Variants in DIAPH3 observed in about 807,000 individuals in gnomAD.
DIAPH3 encodes the protein protein diaphanous homolog 3.
In DIAPH3, 117 loss-of-function variants were observed where a neutral mutation model predicts 144.3. That is an observed-to-expected ratio of 0.81 (90% CI 0.70 to 0.95). The LOEUF is 0.95. DIAPH3 is among the 40% of genes least tolerant of loss of function. The pLI is 0.00. For missense variants in DIAPH3, 1,421 were observed against 1,412.7 expected, an observed-to-expected ratio of 1.01 and a Z score of -0.09; for synonymous variants, 519 against 488.9, an observed-to-expected ratio of 1.06 and a Z score of -0.81.
At chr13:59,782,296 G>A (rs2038781061) in intron 25 of DIAPH3, among the ~76,000 whole-genome samples, 1 of 152,114 alleles carries the variant, frequency 6.6e-6, no homozygotes, top group Non-Finnish European at 1.5e-5. Flanking sequence ...TCCACACAAG[G>A]TGGATTAGTG....
chr13:59,760,024 T>G (rs1208351035), intron 27 of DIAPH3, among the ~76,000 whole-genome samples: 1 of 152,162 alleles, frequency 6.6e-6, no homozygotes. Context: ...AGGCTGCTAT[T>G]GTCAAAGGCT....
intron 22 of DIAPH3, among the ~76,000 whole-genome samples, chr13:59,854,503 A>G (rs558624432): frequency 6.6e-6 from 1 of 152,174 alleles, no homozygotes; most frequent in Non-Finnish European, 1.5e-5. Context: ...CTTGTCTCCA[A>G]CAAGATTCAT....
intron 27 of DIAPH3, among the ~76,000 whole-genome samples, chr13:59,739,958 T>C (rs754390969): frequency 5.3e-5 from 8 of 152,218 alleles, no homozygotes; most frequent in East Asian, 1.9e-4. Flanking sequence ...GTAGGCACTG[T>C]ATTTGGTATG....
At chr13:60,140,512 A>G (rs1822067869) in intron 1 of DIAPH3, among the ~76,000 whole-genome samples, 1 of 152,196 alleles carries the variant, frequency 6.6e-6, no homozygotes, top group African/African-American at 2.4e-5. Flanking sequence ...TTACAATACA[A>G]TGGTACATGA....
intron 14 of DIAPH3, among the ~76,000 whole-genome samples, chr13:59,977,910 T>C (rs1487136729): frequency 6.6e-6 from 1 of 151,756 alleles, no homozygotes; most frequent in African/African-American, 2.4e-5. Context: ...GTATAGGAAA[T>C]TCAAAAGAAA....
intron 27 of DIAPH3, among the ~76,000 whole-genome samples, chr13:59,717,049 T>C (rs555051105): frequency 1.3e-5 from 2 of 152,246 alleles, no homozygotes; most frequent in Admixed American, 6.5e-5. Context: ...AAGAACAGTA[T>C]AGTGTCAAGC....
intron 13 of DIAPH3, among the ~76,000 whole-genome samples, chr13:59,983,453 G>A (rs970946080): frequency 1.3e-5 from 2 of 151,520 alleles, no homozygotes; most frequent in South Asian, 4.2e-4. Flanking sequence ...CTTATCAAAG[G>A]CATTCTTAAG....
At chr13:60,126,937 T>C (rs956155371) in intron 2 of DIAPH3, among the ~76,000 whole-genome samples, 5 of 151,478 alleles carry the variant, frequency 3.3e-5, no homozygotes, top group Non-Finnish European at 5.9e-5. Flanking sequence ...ATTAAATCAA[T>C]GACTTAGAGT....
At chr13:59,856,871 T>G (rs1417258193) in intron 22 of DIAPH3, among the ~76,000 whole-genome samples, 2 of 151,526 alleles carry the variant, frequency 1.3e-5, no homozygotes, top group African/African-American at 4.9e-5. Flanking sequence ...ATGTAACCTA[T>G]TAACTACATC....
chr13:60,036,360 A>G (rs2055212921), intron 5 of DIAPH3, among the ~76,000 whole-genome samples: 1 of 152,102 alleles, frequency 6.6e-6, no homozygotes, highest in African/African-American at 2.4e-5. Flanking sequence ...CTATATATAT[A>G]TATTGTCCAA....
chr13:59,737,466 A>C (rs2036214369), intron 27 of DIAPH3, among the ~76,000 whole-genome samples: 1 of 152,222 alleles, frequency 6.6e-6, no homozygotes, highest in Non-Finnish European at 1.5e-5. Flanking sequence ...AATATGAACA[A>C]AACTTAGGCA....
chr13:60,072,147 T>C (rs1287497713), intron 4 of DIAPH3, among the ~76,000 whole-genome samples: 3 of 152,194 alleles, frequency 2.0e-5, no homozygotes, highest in East Asian at 3.9e-4. Context: ...CCTCATAATC[T>C]ACAAGTCTCT....
chr13:59,798,995 A>G (rs949971293), intron 25 of DIAPH3, among the ~76,000 whole-genome samples: 4 of 152,160 alleles, frequency 2.6e-5, no homozygotes, highest in African/African-American at 9.7e-5. Flanking sequence ...GTTGAAGCAC[A>G]GTAATTTCCT....
intron 17 of DIAPH3, among the ~76,000 whole-genome samples, chr13:59,954,691 T>C (rs745918366): frequency 2.0e-5 from 3 of 152,098 alleles, no homozygotes; most frequent in East Asian, 1.9e-4. Flanking sequence ...CCATAGGCTG[T>C]AGAGAGGGCA....
At chr13:60,131,773 A>G (rs770038536) in intron 2 of DIAPH3, among the ~76,000 whole-genome samples, 3 of 152,248 alleles carry the variant, frequency 2.0e-5, no homozygotes, top group Non-Finnish European at 2.9e-5. Flanking sequence ...ATATCATTGT[A>G]TATCATAAAA....
chr13:59,995,775 A>G (rs2052150205), intron 9 of DIAPH3, among the ~76,000 whole-genome samples: 1 of 151,978 alleles, frequency 6.6e-6, no homozygotes, highest in Non-Finnish European at 1.5e-5. Flanking sequence ...AGTGATCTAA[A>G]TCTTAAAAGC....
chr13:59,804,430 G>C (rs1325302221), intron 25 of DIAPH3, among the ~76,000 whole-genome samples: 2 of 152,088 alleles, frequency 1.3e-5, no homozygotes. Context: ...TTGAGTACTG[G>C]CTTCATGGCT....
chr13:60,091,921 C>T (rs1304701788), intron 4 of DIAPH3, among the ~76,000 whole-genome samples: 1 of 151,860 alleles, frequency 6.6e-6, no homozygotes, highest in Non-Finnish European at 1.5e-5. Context: ...AAGTTCACTG[C>T]AGCCTCGAAC....
At chr13:59,877,849 T>C (rs2044731885) in intron 21 of DIAPH3, among the ~76,000 whole-genome samples, 1 of 151,924 alleles carries the variant, frequency 6.6e-6, no homozygotes, top group Admixed American at 6.6e-5. Context: ...ATAACCCTTT[T>C]GGAAGCTGCT....
Sources: gnomAD v4.1 joint callset for allele counts (sites outside exome capture counted in the v4.1 genomes callset) on GRCh38, gnomAD v4.1.1 for gene constraint, MANE v1.5 for transcripts, NCBI Gene and HGNC (gene_info 2026-07-23, HGNC 2026-07-21) for gene names.